The following CNTNAP2 variants were observed in gnomAD, a reference collection of about 807,000 sequenced individuals.
The protein encoded by CNTNAP2 is contactin associated protein 2.
Under a neutral mutation model 155.2 loss-of-function variants are expected in CNTNAP2, and 98 were observed. The ratio of observed to expected loss-of-function variants is 0.63; its 90% CI spans 0.54 to 0.75. CNTNAP2 has a LOEUF of 0.75. Among genes scored for constraint, CNTNAP2 ranks in the 30% least tolerant of loss-of-function variants. The pLI is 0.00. For missense variants in CNTNAP2, 1,727 were observed against 1,688.1 expected (o/e 1.02, Z -0.40); for synonymous variants, 651 against 631.2 (o/e 1.03, Z -0.47).
intron 1 of CNTNAP2, among the ~76,000 whole-genome samples, chr7:146,682,709 A>G (rs1211457115): frequency 6.6e-6 from 1 of 152,246 alleles, no homozygotes; most frequent in African/African-American, 2.4e-5. Context: ...TACACCTAGA[A>G]GAAAAAAGAT....
chr7:146,505,087 G>A (rs1009404084), intron 1 of CNTNAP2, among the ~76,000 whole-genome samples: 2 of 152,178 alleles, frequency 1.3e-5, no homozygotes, highest in Non-Finnish European at 2.9e-5. Flanking sequence ...CATGGGTTTT[G>A]TGGCATCCCC....
chr7:146,534,580 A>G (rs1400505347), intron 1 of CNTNAP2, among the ~76,000 whole-genome samples: 1 of 152,138 alleles, frequency 6.6e-6, no homozygotes, highest in African/African-American at 2.4e-5. Context: ...TCAGTAATCT[A>G]ACGGGGAAAT....
intron 10 of CNTNAP2, among the ~76,000 whole-genome samples, chr7:147,461,399 A>G (rs762526508): frequency 2.0e-5 from 3 of 152,102 alleles, no homozygotes; most frequent in Non-Finnish European, 2.9e-5. Context: ...AGATCCTCTA[A>G]CCAGGATCAA....
intron 15 of CNTNAP2, among the ~76,000 whole-genome samples, chr7:147,989,705 T>A (rs1387287073): frequency 2.6e-5 from 4 of 152,294 alleles, no homozygotes; most frequent in African/African-American, 9.6e-5. Context: ...CTCAACTGCA[T>A]TTTCTGAGTC....
intron 1 of CNTNAP2, among the ~76,000 whole-genome samples, chr7:146,750,537 T>C (rs949479073): frequency 2.6e-5 from 4 of 152,178 alleles, no homozygotes; most frequent in Non-Finnish European, 4.4e-5. Context: ...TTAATAAAGA[T>C]CAGATGCTGT....
At chr7:147,008,043 A>G (rs1167260381) in intron 3 of CNTNAP2, among the ~76,000 whole-genome samples, 1 of 152,182 alleles carries the variant, frequency 6.6e-6, no homozygotes, top group Non-Finnish European at 1.5e-5. Context: ...TCAACACAAT[A>G]TTATCCACTA....
rs886062073 is a variant in CNTNAP2, at chr7:148,419,360, C to G, written c.*3744C>G. ...TGATCCTAAACCAGTGCGAAACAAA[C>G]AGTAACAATGTCCCCAGCTGACTTC... On this transcript the variant is annotated 3_prime_UTR_variant, in exon 24 of 24. Transcript: ENST00000361727. The G allele has an allele frequency of 6.6e-6, 1 of 152,216 alleles. No homozygotes were observed. Among genetic ancestry groups the G allele is most frequent in the Admixed American group, 6.5e-5 (1 of 15,270 alleles). The allele number at this position is 152,216 out of a possible 1,614,324, so 9.4% of individuals were successfully genotyped here.
At position 147,608,620 on chromosome 7, in the gene CNTNAP2, G is replaced by A. The variant is rs564533742; in HGVS notation, c.1898-30486G>A. Among the ~76,000 whole-genome samples the A allele has an allele frequency of 6.6e-5, 10 of 152,152 alleles. No homozygotes were observed. The East Asian group carries it at 1.9e-3, about 29-fold the overall frequency. On this transcript the variant is annotated intron_variant, in intron 12 of 23. Coordinates refer to ENST00000361727, the MANE Select transcript of CNTNAP2 (RefSeq NM_014141.6). ...CCTGGCCATCAACTACATTTCAAATGGATGTTTTATAGGAATCATCATTGA... is the reference window on the plus strand; with the variant it reads ...CCTGGCCATCAACTACATTTCAAATAGATGTTTTATAGGAATCATCATTGA...
intron 8 of CNTNAP2, among the ~76,000 whole-genome samples, chr7:147,272,664 A>ATTTTTTTTTTTTTTTTTTT (rs71182188): frequency 2.8e-4 from 39 of 138,956 alleles, no homozygotes; most frequent in South Asian, 4.6e-4. Context: ...CGCCCGGCTA[A>ATTTTTTTTTTTTTTTTTTT]TTTTTTTTTT....
intron 1 of CNTNAP2, among the ~76,000 whole-genome samples, chr7:146,357,697 AAAT>A (rs1194349481): frequency 6.6e-6 from 1 of 152,186 alleles, no homozygotes; most frequent in Non-Finnish European, 1.5e-5. Flanking sequence ...AGGCTCTGAT[AAAT>A]AATATGTTAT....
At chr7:146,688,959 T>A (rs535628022) in intron 1 of CNTNAP2, among the ~76,000 whole-genome samples, 1 of 152,124 alleles carries the variant, frequency 6.6e-6, no homozygotes, top group Non-Finnish European at 1.5e-5. Flanking sequence ...TATGAAAACT[T>A]TCTATGTTCA....
intron 3 of CNTNAP2, among the ~76,000 whole-genome samples, chr7:147,016,621 A>C (rs1306618736): frequency 6.6e-6 from 1 of 152,142 alleles, no homozygotes; most frequent in Non-Finnish European, 1.5e-5. Context: ...TTGATTTGCC[A>C]AAGTGCCTAA....
chr7:146,811,106 GC>G (rs905536155), intron 2 of CNTNAP2, among the ~76,000 whole-genome samples: 12 of 152,042 alleles, frequency 7.9e-5, no homozygotes, highest in Non-Finnish European at 1.5e-5. Context: ...TTTTCTTGTA[GC>G]ATCCTTATCT....
intron 1 of CNTNAP2, among the ~76,000 whole-genome samples, chr7:146,544,536 C>G (rs541432411): frequency 6.6e-6 from 1 of 151,764 alleles, no homozygotes. Context: ...TCTTTTTTCC[C>G]CCATAGAAAT....
chr7:147,245,730 C>A (rs902635815), intron 8 of CNTNAP2, among the ~76,000 whole-genome samples: 4 of 129,584 alleles, frequency 3.1e-5, no homozygotes, highest in South Asian at 4.7e-4. Flanking sequence ...CCACTGCACT[C>A]CAGCCTAGGC....
intron 8 of CNTNAP2, among the ~76,000 whole-genome samples, chr7:147,223,291 A>T (rs1803447139): frequency 6.6e-6 from 1 of 152,182 alleles, no homozygotes; most frequent in South Asian, 2.1e-4. Context: ...CTTTGGGTGC[A>T]CAAATCTATA....
chr7:146,548,659 C>A (rs1393097663), intron 1 of CNTNAP2, among the ~76,000 whole-genome samples: 1 of 151,798 alleles, frequency 6.6e-6, no homozygotes, highest in Admixed American at 6.6e-5. Context: ...CTGGTCAAGT[C>A]CATAGCTCAT....
intron 10 of CNTNAP2, among the ~76,000 whole-genome samples, chr7:147,481,437 G>C (rs1277151178): frequency 2.0e-5 from 3 of 152,130 alleles, no homozygotes; most frequent in Non-Finnish European, 2.9e-5. Flanking sequence ...GATGCTATGG[G>C]TAAAATAAAA....
At chr7:148,012,832 T>C (rs538412905) in intron 15 of CNTNAP2, among the ~76,000 whole-genome samples, 1 of 152,334 alleles carries the variant, frequency 6.6e-6, no homozygotes, top group African/African-American at 2.4e-5. Flanking sequence ...CAACAAATAA[T>C]ACTACACTAA....
Sources: allele counts gnomAD v4.1 joint callset (sites outside exome capture counted in the v4.1 genomes callset), GRCh38; gene constraint gnomAD v4.1.1; transcripts MANE v1.5; gene names NCBI Gene and HGNC (gene_info 2026-07-23, HGNC 2026-07-21).